Variants in UQCC1 observed in about 807,000 individuals in gnomAD.
The protein encoded by UQCC1 is bFGF-repressed Zic-binding protein.
UQCC1 carries 38 observed loss-of-function variants against 48.0 expected under a neutral mutation model. The observed-to-expected ratio is 0.79, with a 90% CI of 0.61 to 1.04. The LOEUF is 1.04. UQCC1 is among the 50% of genes least tolerant of loss of function. The probability of loss-of-function intolerance (pLI) is 0.00; values close to 1 mark genes in which losing one functional copy is unlikely to be tolerated. For missense variants in UQCC1, 368 were observed against 381.8 expected, an observed-to-expected ratio of 0.96 and a Z score of 0.30; for synonymous variants, 111 against 129.2, an observed-to-expected ratio of 0.86 and a Z score of 0.95.
intron 2 of UQCC1, among the ~76,000 whole-genome samples, chr20:35,388,377 A>AC (rs1195869975): frequency 9.2e-5 from 12 of 130,914 alleles, no homozygotes; most frequent in Admixed American, 5.9e-4. Flanking sequence ...TGCAACTTTG[A>AC]CCCCCCCAGA....
intron 7 of UQCC1, among the ~76,000 whole-genome samples, chr20:35,316,028 T>C (rs898666661): frequency 6.6e-6 from 1 of 152,136 alleles, no homozygotes; most frequent in Admixed American, 6.5e-5. Flanking sequence ...CTGAATGCCT[T>C]CAATAGGGTA....
At chr20:35,321,854 T>C (rs2061134491) in intron 7 of UQCC1, among the ~76,000 whole-genome samples, 1 of 152,194 alleles carries the variant, frequency 6.6e-6, no homozygotes, top group Non-Finnish European at 1.5e-5. Context: ...CTAATTTCTA[T>C]ATAGTCACGA....
chr20:35,359,345 C>G (rs1600940854), intron 6 of UQCC1, among the ~76,000 whole-genome samples: 1 of 152,208 alleles, frequency 6.6e-6, no homozygotes, highest in Non-Finnish European at 1.5e-5. Flanking sequence ...GAGCTCCCCC[C>G]TTTTTCTCCC....
At chr20:35,376,673 T>C (rs1401427645) in intron 4 of UQCC1, among the ~76,000 whole-genome samples, 2 of 152,058 alleles carry the variant, frequency 1.3e-5, no homozygotes, top group Non-Finnish European at 2.9e-5. Flanking sequence ...TAAAGAAATG[T>C]TATGAAATCA....
chr20:35,351,829 T>A (rs540429818), intron 6 of UQCC1, among the ~76,000 whole-genome samples: 1 of 152,202 alleles, frequency 6.6e-6, no homozygotes, highest in African/African-American at 2.4e-5. Context: ...CAAATGGTTA[T>A]CCAGTTGAAA....
At chr20:35,365,277 G>A (rs957095351) in intron 6 of UQCC1, among the ~76,000 whole-genome samples, 5 of 152,124 alleles carry the variant, frequency 3.3e-5, no homozygotes, top group African/African-American at 4.8e-5. Context: ...TCCCTCACTA[G>A]ACTGTGAGCT....
intron 1 of UQCC1, among the ~76,000 whole-genome samples, chr20:35,408,022 CAAA>C (rs2062278600): frequency 6.6e-6 from 1 of 151,176 alleles, no homozygotes; most frequent in Non-Finnish European, 1.5e-5. Flanking sequence ...AACTCTGTCT[CAAA>C]AAGAAAAAAG....
chr20:35,376,567 TG>T (rs1568692157), intron 4 of UQCC1, among the ~76,000 whole-genome samples: 1 of 151,396 alleles, frequency 6.6e-6, no homozygotes, highest in Admixed American at 6.6e-5. Context: ...TGAACAGTCT[TG>T]TATCTATTAA....
intron 7 of UQCC1, chr20:35,346,042 G>A (rs1336844006): frequency 6.6e-6 from 1 of 152,166 alleles, no homozygotes; most frequent in Non-Finnish European, 1.5e-5. Context: ...GCACCAATCA[G>A]TGCTCTGTGT....
chr20:35,383,995 G>T (rs1420207055), intron 3 of UQCC1, 43 bp downstream of exon 3: 1 of 1,559,530 alleles, frequency 6.4e-7, no homozygotes, highest in South Asian at 1.1e-5. Flanking sequence ...GAACACCTGT[G>T]TGAAAGCACT....
intron 1 of UQCC1, among the ~76,000 whole-genome samples, chr20:35,403,145 T>C (rs943026805): frequency 2.0e-5 from 3 of 152,050 alleles, no homozygotes; most frequent in African/African-American, 7.2e-5. Context: ...TTTCAAAAGA[T>C]TGATTACATA....
At chr20:35,373,113 C>A (rs1192249673) in intron 5 of UQCC1, among the ~76,000 whole-genome samples, 1 of 152,142 alleles carries the variant, frequency 6.6e-6, no homozygotes. Context: ...TTACAAGTAC[C>A]TGCTTTAATT....
chr20:35,313,102 C>T (rs763912546), intron 8 of UQCC1, among the ~76,000 whole-genome samples: 3 of 151,936 alleles, frequency 2.0e-5, no homozygotes, highest in Non-Finnish European at 4.4e-5. Flanking sequence ...TGAGGCCAGG[C>T]GTGGTGGCTC....
At chr20:35,337,191 CTTT>C (rs762321477) in intron 7 of UQCC1, among the ~76,000 whole-genome samples, 7 of 143,224 alleles carry the variant, frequency 4.9e-5, no homozygotes, top group Admixed American at 7.0e-5. Context: ...AGCTAGCATT[CTTT>C]TTTTTTTTTT....
At chr20:35,366,954 C>T (rs1317793138) in intron 5 of UQCC1, among the ~76,000 whole-genome samples, 1 of 151,796 alleles carries the variant, frequency 6.6e-6, no homozygotes, top group African/African-American at 2.4e-5. Context: ...ATTAACCAGG[C>T]GTGGTGGTGG....
intron 8 of UQCC1, among the ~76,000 whole-genome samples, chr20:35,313,444 T>C (rs1031700719): frequency 2.8e-5 from 4 of 143,600 alleles, no homozygotes; most frequent in Non-Finnish European, 6.0e-5. Context: ...ACACCCAAGA[T>C]ACATACTTCA....
Position 35,396,690 on chromosome 20 carries a change from A to G in UQCC1, c.25-2494T>C, listed in dbSNP as rs574248670. 2.6e-5 allele frequency among the ~76,000 whole-genome samples: 4 copies of G among 152,280 alleles called. No individual in the cohort carries two copies. In the South Asian group the frequency reaches 8.3e-4, roughly 32 times the overall value. Reference sequence around the variant, plus strand: ...CTGAGATTCACGTTTTCCCTCTAACATGAAGCTCACTTCAGAAAGGTCTCT... The same window carrying G: ...CTGAGATTCACGTTTTCCCTCTAACGTGAAGCTCACTTCAGAAAGGTCTCT... On this transcript the variant is annotated intron_variant, in intron 1 of 9. Coordinates refer to ENST00000374385, the MANE Select transcript of UQCC1 (RefSeq NM_018244.5).
In UQCC1 at chr20:35,381,962, T is replaced by C. The variant is rs773109912; in HGVS notation, c.289A>G (p.Ile97Val). Residue 97 changes from isoleucine (I) to valine (V), a missense_variant, in exon 4 of 10, where the codon ATA becomes GTA. Transcript: ENST00000374385. Reference protein sequence around the residue: ...EEKVGAFTKIIEAMGFTGPLK... With the variant: ...EEKVGAFTKIVEAMGFTGPLK... The stretch of plus-strand genomic sequence containing the variant: ...GGTCCCGTGAATCCCATGGCTTCTA[T>C]TATCTTTGTGAAAGCACCAACCTTC... The C allele has an allele frequency of 5.6e-6, 9 of 1,613,288 alleles. No individual in the cohort carries two copies. Among genetic ancestry groups the C allele is most frequent in the South Asian group, 1.1e-5 (1 of 90,902 alleles).
chr20:35,316,208 A>C (rs1445560221), intron 7 of UQCC1, among the ~76,000 whole-genome samples: 1 of 152,202 alleles, frequency 6.6e-6, no homozygotes, highest in African/African-American at 2.4e-5. Flanking sequence ...TTATGTGGAG[A>C]ACAAGATTTG....
Sources: gnomAD v4.1 joint callset for allele counts (sites outside exome capture counted in the v4.1 genomes callset) on GRCh38, gnomAD v4.1.1 for gene constraint, MANE v1.5 for transcripts, NCBI Gene and HGNC (gene_info 2026-07-23, HGNC 2026-07-21) for gene names.